The following IMPG1 variants were observed in gnomAD, a reference collection of about 807,000 sequenced individuals.
IMPG1 encodes the protein interphotoreceptor matrix proteoglycan 1.
Under a neutral mutation model 92.0 loss-of-function variants are expected in IMPG1, and 85 were observed. That is an observed-to-expected ratio of 0.92 (90% CI 0.78 to 1.11). IMPG1 has a LOEUF of 1.11. Among genes scored for constraint, IMPG1 ranks in the 50% least tolerant of loss-of-function variants. The pLI is 0.00. For missense variants in IMPG1, 1,022 were observed against 956.0 expected (o/e 1.07, Z -0.91); for synonymous variants, 367 against 334.1 (o/e 1.10, Z -1.08).
rs1554226586 is a variant in IMPG1, at chr6:75,924,742, A to AATATATT, written c.2244-1037_2244-1036insAATATAT. On this transcript the variant is annotated intron_variant, in intron 15 of 16. Transcript: ENST00000369950. ...TATAATATAATTATATATAATATAT[A>AATATATT]ATATATAATATATCATATAATTATA... is the stretch of plus-strand genomic sequence containing the variant. Among the ~76,000 whole-genome samples the AATATATT allele has an allele frequency of 2.0e-4, 12 of 59,100 alleles. 3 individuals carry two copies. In the Admixed American group the frequency reaches 2.6e-3, roughly 13 times the overall value. The allele number at this position is 59,100 out of a possible 152,430, so 38.8% of individuals were successfully genotyped here.
intron 14 of IMPG1, among the ~76,000 whole-genome samples, chr6:75,935,222 G>A (rs1781725109): frequency 6.6e-6 from 1 of 152,180 alleles, no homozygotes; most frequent in Admixed American, 6.5e-5. Context: ...GGTCTGCAAG[G>A]GATTCACGCG....
chr6:75,973,057 G>T (rs1003287417), intron 12 of IMPG1, among the ~76,000 whole-genome samples: 1 of 152,010 alleles, frequency 6.6e-6, no homozygotes, highest in Non-Finnish European at 1.5e-5. Context: ...ATGCAGCCTC[G>T]GCCTCCTGAG....
At chr6:76,053,043 G>A (rs1328813246) in intron 1 of IMPG1, among the ~76,000 whole-genome samples, 2 of 152,168 alleles carry the variant, frequency 1.3e-5, no homozygotes, top group Non-Finnish European at 2.9e-5. Context: ...GGTTCAGGCT[G>A]ATTAAGCCAC....
chr6:76,033,912 G>T (rs1336291052), intron 4 of IMPG1, among the ~76,000 whole-genome samples: 2 of 152,120 alleles, frequency 1.3e-5, no homozygotes, highest in Non-Finnish European at 2.9e-5. Flanking sequence ...ACACTTCACA[G>T]AATACCAAAT....
At chr6:76,053,892 C>CA (rs1019929499) in intron 1 of IMPG1, among the ~76,000 whole-genome samples, 1 of 151,846 alleles carries the variant, frequency 6.6e-6, no homozygotes, top group Non-Finnish European at 1.5e-5. Context: ...GCATATATTA[C>CA]AAAAAAAGAA....
In IMPG1 at chr6:76,034,315, C is replaced by G. The variant is rs1783698499; in HGVS notation, c.497G>C (p.Arg166Thr). Residue 166 changes from arginine to threonine, a missense_variant and splice_region_variant, in exon 4 of 17, where the codon AGA (arginine) becomes ACA (threonine). Physicochemically the swap from Arg to Thr is moderately conservative, Grantham distance 71. Around this residue, in one of 3 missense-constraint regions of IMPG1, gnomAD observed 681 missense variants for 583.6 expected, o/e 1.17. Transcript: ENST00000369950. Reference protein sequence around the residue: ...QRIKQRSFPDRKDEISAEKTL... With the variant: ...QRIKQRSFPDTKDEISAEKTL... ...CACACACTCTATTTTGGGTACTTGC[C>G]TGTCAGGGAAACTTCTCTGTTTTAT... 6.2e-7 allele frequency: 1 copy of G among 1,613,052 alleles called. No homozygotes were observed. The highest frequency in any genetic ancestry group is 1.3e-5 in the African/African-American group (1 of 74,870).
rs78760103 is a variant in IMPG1 at position 75,964,170 on chromosome 6, C to A, written c.1292-13076G>T. Among the ~76,000 whole-genome samples the A allele has an allele frequency of 7.6e-3, 1,157 of 152,272 alleles. 10 individuals are homozygous for A. The highest frequency in any genetic ancestry group is 0.027 in the African/African-American group (1,103 of 41,550). On this transcript the variant is annotated intron_variant, in intron 12 of 16. Transcript: ENST00000369950. ...TGCATATAGTTCTGGGCATTAAATTCTCATCTCTGTCTGACCTTCAAAGTT... is the reference window on the plus strand; with the variant it reads ...TGCATATAGTTCTGGGCATTAAATTATCATCTCTGTCTGACCTTCAAAGTT...
At chr6:76,049,365 C>T (rs371463081) in intron 1 of IMPG1, among the ~76,000 whole-genome samples, 161 of 152,288 alleles carry the variant, frequency 1.1e-3, no homozygotes, top group African/African-American at 3.8e-3. Flanking sequence ...AAAGATTTGT[C>T]TTTCCCTCCT....
intron 1 of IMPG1, among the ~76,000 whole-genome samples, chr6:76,053,067 A>C (rs1353442668): frequency 2.0e-5 from 3 of 152,152 alleles, no homozygotes; most frequent in African/African-American, 7.2e-5. Flanking sequence ...TAATCATCTC[A>C]TCTTTACATT....
intron 6 of IMPG1, among the ~76,000 whole-genome samples, chr6:76,020,987 A>G (rs1040881451): frequency 1.3e-5 from 2 of 152,194 alleles, no homozygotes; most frequent in Non-Finnish European, 1.5e-5. Context: ...AAGAATCTCT[A>G]TTAACATAGC....
intron 2 of IMPG1, among the ~76,000 whole-genome samples, chr6:76,037,780 T>A (rs889825850): frequency 6.6e-6 from 1 of 152,232 alleles, no homozygotes; most frequent in African/African-American, 2.4e-5. Context: ...AAACTAGCAC[T>A]GTCTTTGGTG....
chr6:75,946,039 G>A (rs891410421), intron 14 of IMPG1, among the ~76,000 whole-genome samples: 1 of 152,172 alleles, frequency 6.6e-6, no homozygotes, highest in Non-Finnish European at 1.5e-5. Context: ...TAATCAATTG[G>A]CTGAAGAAAT....
intron 2 of IMPG1, among the ~76,000 whole-genome samples, chr6:76,037,773 C>T (rs1283914666): frequency 6.6e-6 from 1 of 152,212 alleles, no homozygotes; most frequent in East Asian, 1.9e-4. Flanking sequence ...ATAAAATAAA[C>T]TAGCACTGTC....
At chr6:75,968,528 A>G (rs979249282) in intron 12 of IMPG1, among the ~76,000 whole-genome samples, 1 of 152,020 alleles carries the variant, frequency 6.6e-6, no homozygotes, top group African/African-American at 2.4e-5. Flanking sequence ...AGATTGTAAG[A>G]TATCTAAAAT....
chr6:75,940,678 T>C (rs1394407511), intron 14 of IMPG1, among the ~76,000 whole-genome samples: 4 of 152,200 alleles, frequency 2.6e-5, no homozygotes, highest in Admixed American at 2.6e-4. Flanking sequence ...GCAAATAGAT[T>C]TGACGGGCAT....
chr6:76,003,085 T>G (rs187315709), intron 11 of IMPG1, 89 bp from the exon 12 acceptor site: 13 of 918,772 alleles, frequency 1.4e-5, no homozygotes, highest in Non-Finnish European at 2.3e-5. Flanking sequence ...AAATTTTCAT[T>G]TAAATTTAGG....
At chr6:76,021,140 C>T (rs891730596) in intron 6 of IMPG1, among the ~76,000 whole-genome samples, 2 of 152,220 alleles carry the variant, frequency 1.3e-5, no homozygotes, top group African/African-American at 4.8e-5. Context: ...CCTTGGTCTA[C>T]ACAACCTTTT....
chr6:76,015,358 C>G (rs762387539), intron 7 of IMPG1, among the ~76,000 whole-genome samples: 1 of 152,112 alleles, frequency 6.6e-6, no homozygotes, highest in Non-Finnish European at 1.5e-5. Flanking sequence ...GGGGAGGGAA[C>G]AGATGTTGTA....
At chr6:75,960,435 G>T (rs1359200894) in intron 12 of IMPG1, among the ~76,000 whole-genome samples, 1 of 152,006 alleles carries the variant, frequency 6.6e-6, no homozygotes, top group South Asian at 2.1e-4. Flanking sequence ...TTAATTATAG[G>T]GTTGCTTGAT....
Sources: allele counts gnomAD v4.1 joint callset (sites outside exome capture counted in the v4.1 genomes callset), GRCh38; gene constraint gnomAD v4.1.1; regional missense constraint gnomAD v4.1.1; transcripts MANE v1.5; gene names NCBI Gene and HGNC (gene_info 2026-07-23, HGNC 2026-07-21).